Variants in TMPRSS7 observed in about 807,000 individuals in gnomAD.
TMPRSS7 encodes transmembrane serine protease 7.
A neutral mutation model predicts 95.6 loss-of-function variants in TMPRSS7; 81 were observed. The ratio of observed to expected loss-of-function variants is 0.85; its 90% CI spans 0.71 to 1.02. The LOEUF is 1.02. Ranked by LOEUF, TMPRSS7 falls within the 50% of genes least tolerant of loss-of-function variation. The probability of loss-of-function intolerance (pLI) is 0.00; values close to 1 mark genes in which losing one functional copy is unlikely to be tolerated. For synonymous variants in TMPRSS7, 364 were observed against 337.8 expected, an observed-to-expected ratio of 1.08 and a Z score of -0.85; for missense variants, 945 against 955.2, an observed-to-expected ratio of 0.99 and a Z score of 0.14.
At chr3:112,042,988 G>T (rs1291935359) in intron 3 of TMPRSS7, 1 of 455,740 alleles carries the variant, frequency 2.2e-6, no homozygotes, top group African/African-American at 2.0e-5. Flanking sequence ...ATGAGGAAAG[G>T]TGGTGAGAGA....
At chr3:112,056,051 T>TA (rs1461892817) in intron 9 of TMPRSS7, among the ~76,000 whole-genome samples, 2 of 149,700 alleles carry the variant, frequency 1.3e-5, no homozygotes, top group Admixed American at 1.3e-4. Flanking sequence ...ACAAAAAAAG[T>TA]AAAAAAAAAT....
chr3:112,037,075 G>A (rs1271285634), intron 1 of TMPRSS7, among the ~76,000 whole-genome samples: 1 of 152,168 alleles, frequency 6.6e-6, no homozygotes, highest in Non-Finnish European at 1.5e-5. Flanking sequence ...AAGCATGTGT[G>A]TTTGAACAAT....
intron 15 of TMPRSS7, 100 bp from the exon 16 acceptor site, chr3:112,076,775 AG>A (rs2073714136): frequency 1.5e-6 from 2 of 1,330,152 alleles, no homozygotes; most frequent in East Asian, 2.3e-5. Flanking sequence ...CCTGGAAGTC[AG>A]GCCCTTCTTT....
chr3:112,076,039 A>C (rs1245482707), intron 15 of TMPRSS7, among the ~76,000 whole-genome samples: 1 of 152,182 alleles, frequency 6.6e-6, no homozygotes, highest in African/African-American at 2.4e-5. Context: ...GATTTGTGTT[A>C]ATTATTAAGA....
In TMPRSS7 at chr3:112,071,574, C is replaced by G. The variant is rs528764148; in HGVS notation, c.1667-2722C>G. Reference sequence around the variant, plus strand: ...TTGGTTCCATTCTCCCCATCACTTTCAGGTACACCAATCAAATGTAGATTT... The same window carrying G: ...TTGGTTCCATTCTCCCCATCACTTTGAGGTACACCAATCAAATGTAGATTT... On this transcript the variant is annotated intron_variant, in intron 13 of 17. Transcript: ENST00000452346. Among the ~76,000 whole-genome samples, 5 of 152,364 alleles carry G rather than the reference C, an allele frequency of 3.3e-5. No homozygotes were observed. The East Asian group carries it at 5.8e-4, about 18-fold the overall frequency.
At chr3:112,046,063 G>T in intron 5 of TMPRSS7, 120 bp downstream of exon 5, 1 of 882,310 alleles carries the variant, frequency 1.1e-6, no homozygotes. Context: ...AATCCCAGTG[G>T]CGCAGGATTA....
At chr3:112,065,204 T>TA (rs991745575) in intron 12 of TMPRSS7, among the ~76,000 whole-genome samples, 16 of 152,170 alleles carry the variant, frequency 1.1e-4, no homozygotes, top group African/African-American at 3.4e-4. Context: ...CCAATGCCAC[T>TA]AACTCTTTTT....
chr3:112,065,983 T>C (rs60504992), intron 12 of TMPRSS7, among the ~76,000 whole-genome samples: 3,886 of 152,204 alleles, frequency 0.026, 163 homozygotes, highest in African/African-American at 0.087. Flanking sequence ...AACTGCTATT[T>C]GTTCGGGGGC....
intron 14 of TMPRSS7, 134 bp downstream of exon 14, chr3:112,074,546 A>G: frequency 1.8e-6 from 1 of 554,848 alleles, no homozygotes; most frequent in Non-Finnish European, 3.1e-6. Context: ...GTAACTATTG[A>G]CAAACTGAGT....
At position 112,049,979 on chromosome 3, in the gene TMPRSS7, G is replaced by T. The variant is rs1371932515; in HGVS notation, c.1090+5G>T. 6.5e-7 allele frequency: 1 copy of T among 1,536,764 alleles called. No homozygotes were observed. The highest frequency in any genetic ancestry group is 1.3e-5 in the South Asian group (1 of 78,332). ...TTGAGGTCATTCCAGAACAAAGTAA[G>T]TCTTCCCCAATTATGGAGAAGTCAC... On this transcript the variant is annotated splice_donor_5th_base_variant and intron_variant, in intron 8 of 17. Transcript: ENST00000452346.
chr3:112,078,577 C>T (rs1468521169), intron 16 of TMPRSS7, among the ~76,000 whole-genome samples, 165 bp from the exon 17 acceptor site: 1 of 152,192 alleles, frequency 6.6e-6, no homozygotes, highest in Non-Finnish European at 1.5e-5. Flanking sequence ...TCTCCTAGCA[C>T]TCGATTTCTT....
In TMPRSS7 at chr3:112,066,487, C is replaced by T; in HGVS notation, c.1651C>T (p.Gln551Ter). 6.2e-7 allele frequency: 1 copy of T among 1,613,784 alleles called. No homozygotes were observed. Among genetic ancestry groups the T allele is most frequent in the Non-Finnish European group, 8.5e-7 (1 of 1,179,850 alleles). The stretch of plus-strand genomic sequence containing the variant: ...GGACTGTGAGAATGGCCGGGATGAG[C>T]AAAACTGCACTCAAAGTGAGGGAGA... The change falls in exon 13 of 18, where the codon CAA (glutamine) becomes TAA (stop). Residue 551 changes from glutamine (Q) to a stop codon, truncating the protein, a stop_gained. Transcript: ENST00000452346. LOFTEE classifies it high-confidence loss of function.
chr3:112,042,166 C>A, intron 3 of TMPRSS7, 116 bp downstream of exon 3: 1 of 719,682 alleles, frequency 1.4e-6, no homozygotes, highest in South Asian at 2.2e-5. Flanking sequence ...AAGTAGAGGG[C>A]AGGGTAGACA....
chr3:112,047,501 G>A (rs561603988), intron 6 of TMPRSS7: 1 of 635,702 alleles, frequency 1.6e-6, no homozygotes, highest in African/African-American at 1.8e-5. Flanking sequence ...TGGGTTATGT[G>A]CCCACCTCTG....
At chr3:112,067,351 G>T (rs2073590092) in intron 13 of TMPRSS7, among the ~76,000 whole-genome samples, 1 of 152,206 alleles carries the variant, frequency 6.6e-6, no homozygotes, top group African/African-American at 2.4e-5. Flanking sequence ...ACCCAGTAAT[G>T]GGATGGCTGG....
rs773080251 is a variant in TMPRSS7 at position 112,074,283 on chromosome 3, T to C, written c.1667-13T>C. 3 of 1,584,098 alleles carry C rather than the reference T, an allele frequency of 1.9e-6. No individual in the cohort carries two copies. The highest frequency in any genetic ancestry group is 4.5e-5 in the East Asian group (2 of 44,676). ...GGCTAAGGAAAGCTGTTTCTTCTTT[T>C]GTCCATTGTTAGGTATTCCATGCAA... On this transcript the variant is annotated splice_polypyrimidine_tract_variant and intron_variant, in intron 13 of 17. Transcript: ENST00000452346.
exon 12 of TMPRSS7, chr3:112,063,550 C>G: frequency 6.2e-7 from 1 of 1,613,986 alleles, no homozygotes; most frequent in East Asian, 2.2e-5. Context: ...CTTTTAGATG[C>G]TCCTCCGGTT....
chr3:112,044,432 T>C (rs2073251326), intron 4 of TMPRSS7, 110 bp downstream of exon 4: 3 of 881,964 alleles, frequency 3.4e-6, no homozygotes, highest in East Asian at 5.3e-5. Flanking sequence ...TTGGAAGTGG[T>C]TGGGGATTCA....
At chr3:112,076,890 C>T (rs963781426) in exon 16 of TMPRSS7, 28 of 1,614,014 alleles carry the variant, frequency 1.7e-5, no homozygotes, top group Middle Eastern at 1.7e-4. Context: ...TCAGATCCCA[C>T]ACCATGGACT....
Sources: allele counts gnomAD v4.1 joint callset (sites outside exome capture counted in the v4.1 genomes callset), GRCh38; gene constraint gnomAD v4.1.1; transcripts MANE v1.5; gene names NCBI Gene and HGNC (gene_info 2026-07-23, HGNC 2026-07-21).